C11orf52: variants seen among roughly 807,000 people sequenced by gnomAD.
C11orf52 encodes uncharacterized protein C11orf52.
Under a neutral mutation model 11.7 loss-of-function variants are expected in C11orf52, and 9 were observed. The ratio of observed to expected loss-of-function variants is 0.77; its 90% CI spans 0.46 to 1.34. The LOEUF (loss-of-function observed/expected upper bound fraction) is 1.34, where lower values mean the gene tolerates loss of function less well. Among genes scored for constraint, C11orf52 ranks in the 40% most tolerant of loss-of-function variants. The probability of loss-of-function intolerance (pLI) is 0.00; values close to 1 mark genes in which losing one functional copy is unlikely to be tolerated. For missense variants in C11orf52, 139 were observed against 154.8 expected, an observed-to-expected ratio of 0.90 and a Z score of 0.54; for synonymous variants, 49 against 57.4, an observed-to-expected ratio of 0.85 and a Z score of 0.66.
At chr11:111,923,841 G>A (rs1555166716) in intron 1 of C11orf52, 1 of 152,230 alleles carries the variant, frequency 6.6e-6, no homozygotes, top group Non-Finnish European at 1.5e-5. Flanking sequence ...GGGCCTTGAG[G>A]GGCTGTAATT....
chr11:111,925,057 G>A (rs1555166804), intron 2 of C11orf52, among the ~76,000 whole-genome samples: 1 of 152,170 alleles, frequency 6.6e-6, no homozygotes, highest in East Asian at 1.9e-4. Flanking sequence ...CCAGGAGATG[G>A]AGGTTGCAGT....
rs781918449 is a variant in C11orf52 at position 111,924,322 on chromosome 11, A to G, written c.33-4A>G. The G allele has an allele frequency of 1.2e-6, 2 of 1,613,316 alleles. No homozygotes were observed. Reference sequence around the variant, plus strand: ...ACATGGGTGATCTGTTTTTCCTATTACAGGAGCTGCCCATCAACTTTCCAG... The same window carrying G: ...ACATGGGTGATCTGTTTTTCCTATTGCAGGAGCTGCCCATCAACTTTCCAG... On this transcript the variant is annotated splice_polypyrimidine_tract_variant and splice_region_variant and intron_variant, in intron 1 of 3. Coordinates refer to ENST00000278601, the MANE Select transcript of C11orf52 (RefSeq NM_080659.3).
intron 2 of C11orf52, 22 bp from the exon 3 acceptor site, chr11:111,925,631 A>G: frequency 6.2e-7 from 1 of 1,612,474 alleles, no homozygotes; most frequent in Non-Finnish European, 8.5e-7. Flanking sequence ...GAATAAACTT[A>G]AGTTGGATTT....
At chr11:111,919,081 G>C in intron 1 of C11orf52, 77 bp downstream of exon 1, 1 of 1,533,788 alleles carries the variant, frequency 6.5e-7, no homozygotes, top group South Asian at 1.2e-5. Context: ...CAGAGGACCT[G>C]GAGATAGTTG....
intron 2 of C11orf52, among the ~76,000 whole-genome samples, chr11:111,925,120 T>A (rs1555166807): frequency 6.6e-6 from 1 of 151,942 alleles, no homozygotes; most frequent in African/African-American, 2.4e-5. Flanking sequence ...AGACTCTGTC[T>A]CTAAATAAAT....
chr11:111,924,966 A>G lies in C11orf52; in HGVS notation c.70+603A>G, dbSNP rs116316721. Among the ~76,000 whole-genome samples the G allele has an allele frequency of 4.3e-3, 660 of 152,280 alleles. 3 individuals carry two copies. Among genetic ancestry groups the G allele is most frequent in the African/African-American group, 0.015 (627 of 41,554 alleles). ...TGGTGAAACCCCATCTCTACTAAAA[A>G]GAGAAAAACTAGCTGGGCATAGTGG... On this transcript the variant is annotated intron_variant, in intron 2 of 3. Transcript: ENST00000278601.
At chr11:111,924,106 T>C (rs1238647823) in intron 1 of C11orf52, 2 of 450,434 alleles carry the variant, frequency 4.4e-6, no homozygotes, top group Non-Finnish European at 8.0e-6. Flanking sequence ...GGTCTGGTTA[T>C]GTCAGTTGTA....
chr11:111,925,105 G>T (rs1482512746), intron 2 of C11orf52, among the ~76,000 whole-genome samples: 1 of 152,006 alleles, frequency 6.6e-6, no homozygotes, highest in African/African-American at 2.4e-5. Flanking sequence ...GCCTAGGCAA[G>T]AGTGAGACTC....
intron 1 of C11orf52, among the ~76,000 whole-genome samples, chr11:111,919,679 A>G (rs966752323): frequency 6.6e-6 from 1 of 152,078 alleles, no homozygotes; most frequent in Non-Finnish European, 1.5e-5. Flanking sequence ...AATTTTTCCA[A>G]TACTTTATGA....
chr11:111,919,440 T>C (rs1965652748), intron 1 of C11orf52, among the ~76,000 whole-genome samples: 1 of 151,948 alleles, frequency 6.6e-6, no homozygotes, highest in African/African-American at 2.4e-5. Context: ...GCCACTGCAC[T>C]CCAGCCTGGC....
At chr11:111,925,565 G>T in intron 2 of C11orf52, 88 bp from the exon 3 acceptor site, 2 of 1,332,534 alleles carry the variant, frequency 1.5e-6, no homozygotes, top group Middle Eastern at 1.8e-4. Flanking sequence ...GAAGCCTGCC[G>T]TTAATAGTTT....
intron 2 of C11orf52, among the ~76,000 whole-genome samples, chr11:111,924,715 A>G (rs1965758454): frequency 6.6e-6 from 1 of 152,264 alleles, no homozygotes; most frequent in Admixed American, 6.5e-5. Context: ...ATCAAATTTA[A>G]GAGATAAATT....
chr11:111,924,854 G>A (rs1592520952), intron 2 of C11orf52, among the ~76,000 whole-genome samples: 1 of 152,354 alleles, frequency 6.6e-6, no homozygotes, highest in Non-Finnish European at 1.5e-5. Context: ...CAGGCGTAGT[G>A]CCTCACGTCT....
chr11:111,920,051 C>T (rs1157274967), intron 1 of C11orf52, among the ~76,000 whole-genome samples: 9 of 151,786 alleles, frequency 5.9e-5, no homozygotes, highest in Middle Eastern at 3.4e-3. Context: ...AAAAATTAGC[C>T]GGGCGTGGTG....
intron 1 of C11orf52, among the ~76,000 whole-genome samples, chr11:111,920,938 T>C (rs1555166504): frequency 6.6e-6 from 1 of 152,092 alleles, no homozygotes; most frequent in Non-Finnish European, 1.5e-5. Context: ...ATTGTGTAGA[T>C]CACAGGCTTA....
At chr11:111,919,234 G>A (rs1446531108) in intron 1 of C11orf52, 2 of 552,686 alleles carry the variant, frequency 3.6e-6, no homozygotes, top group African/African-American at 3.8e-5. Context: ...CAGCACTTTG[G>A]GAGGCCGAGG....
In C11orf52 at chr11:111,920,851, T is replaced by C. The variant is rs587695721; in HGVS notation, c.32+1847T>C. 3.9e-5 allele frequency among the ~76,000 whole-genome samples: 6 copies of C among 152,370 alleles called. No homozygotes were observed. In the South Asian group the frequency reaches 1.2e-3, roughly 32 times the overall value. The stretch of plus-strand genomic sequence containing the variant: ...GAATATGACTTTCACACTTATTTAC[T>C]ATGTGACCATAGGTAATAAGTCCCT... On this transcript the variant is annotated intron_variant, in intron 1 of 3. Transcript: ENST00000278601.
At position 111,925,960 on chromosome 11, in the gene C11orf52, G is replaced by C. The variant is rs1555166912; in HGVS notation, c.133G>C (p.Gly45Arg). 1 of 1,614,090 alleles carries C rather than the reference G, an allele frequency of 6.2e-7. No homozygotes were observed. Among genetic ancestry groups the C allele is most frequent in the East Asian group, 2.2e-5 (1 of 44,876 alleles). Residue 45 changes from glycine (G) to arginine (R), a missense_variant and splice_region_variant, in exon 4 of 4, where the codon GGC becomes CGC. Transcript: ENST00000278601. Reference sequence around the variant, plus strand: ...CCTTAATGCTATCCATTCCTCGCAGGGCCATGAAACAACAGGACATACGTA... The same window carrying C: ...CCTTAATGCTATCCATTCCTCGCAGCGCCATGAAACAACAGGACATACGTA... ...PQQLQQNLPK[G>R]HETTGHTYER...
intron 2 of C11orf52, among the ~76,000 whole-genome samples, chr11:111,925,248 G>A (rs1965770598): frequency 6.6e-6 from 1 of 151,424 alleles, no homozygotes; most frequent in Non-Finnish European, 1.5e-5. Context: ...GATTGGTATA[G>A]CTGAGCACTT....
Sources: allele counts gnomAD v4.1 joint callset (sites outside exome capture counted in the v4.1 genomes callset), GRCh38; gene constraint gnomAD v4.1.1; transcripts MANE v1.5; gene names NCBI Gene and HGNC (gene_info 2026-07-23, HGNC 2026-07-21).